CHRDL1: variants seen among roughly 807,000 people sequenced by gnomAD.
The protein encoded by CHRDL1 is chordin like 1.
CHRDL1 carries 19 observed loss-of-function variants against 40.9 expected under a neutral mutation model. The ratio of observed to expected loss-of-function variants is 0.46; its 90% CI spans 0.32 to 0.68. CHRDL1 has a LOEUF of 0.68. Ranked by LOEUF, CHRDL1 falls within the 30% of genes least tolerant of loss-of-function variation. The probability of loss-of-function intolerance (pLI) is 0.03; values close to 1 mark genes in which losing one functional copy is unlikely to be tolerated. For synonymous variants in CHRDL1, 136 were observed against 123.4 expected (o/e 1.10, Z -0.68); for missense variants, 329 against 352.1 (o/e 0.93, Z 0.53).
intron 2 of CHRDL1, among the ~76,000 whole-genome samples, chrX:110,773,451 G>A (rs1006245618): frequency 2.7e-5 from 3 of 111,351 alleles, no homozygotes; most frequent in South Asian, 3.8e-4. Flanking sequence ...TTGTAGGGCC[G>A]GGCACGGTGG....
At position 110,725,447 on chromosome X, in the gene CHRDL1, C is replaced by T. The variant is rs189002115; in HGVS notation, c.302-3917G>A. ...ACTAACACCTCAGTCTGAATAACTGCCACAGGCCTTTTTTTTTTTGTCCTT... is the reference window on the plus strand; with the variant it reads ...ACTAACACCTCAGTCTGAATAACTGTCACAGGCCTTTTTTTTTTTGTCCTT... On this transcript the variant is annotated intron_variant, in intron 4 of 11. Transcript: ENST00000372042. 1.5e-4 allele frequency among the ~76,000 whole-genome samples: 17 copies of T among 110,405 alleles called. No homozygotes were observed. The East Asian group carries it at 4.5e-3, about 29-fold the overall frequency.
At chrX:110,740,921 T>C (rs1196197571) in intron 4 of CHRDL1, among the ~76,000 whole-genome samples, 1 of 112,559 alleles carries the variant, frequency 8.9e-6, no homozygotes, top group African/African-American at 3.2e-5. Flanking sequence ...TGCCTATGAC[T>C]GCTTTCACAT....
rs1160350564 is a variant in CHRDL1, at chrX:110,676,197, C to A, written c.*34G>T. 8.5e-7 allele frequency: 1 copy of A among 1,181,630 alleles called. No homozygotes were observed. The highest frequency in any genetic ancestry group is 1.1e-6 in the Non-Finnish European group (1 of 879,882). Reference sequence around the variant, plus strand: ...GCAGTCCAGCTGCAGCTTGAGTTTTCTTGCTTTACCCTATCCAATACTGTC... The same window carrying A: ...GCAGTCCAGCTGCAGCTTGAGTTTTATTGCTTTACCCTATCCAATACTGTC... On this transcript the variant is annotated 3_prime_UTR_variant, in exon 12 of 12. Transcript: ENST00000372042.
At chrX:110,768,909 C>G (rs777929393) in intron 2 of CHRDL1, among the ~76,000 whole-genome samples, 1 of 111,279 alleles carries the variant, frequency 9.0e-6, no homozygotes, top group South Asian at 3.8e-4. Flanking sequence ...CCTATTAGTT[C>G]TGTCCCTCTA....
intron 8 of CHRDL1, among the ~76,000 whole-genome samples, chrX:110,692,807 T>G (rs975382487): frequency 2.7e-5 from 3 of 112,422 alleles, no homozygotes; most frequent in South Asian, 7.3e-4. Flanking sequence ...AGCAATTTAA[T>G]TTTTTTATCT....
chrX:110,751,733 A>G (rs1376099493), intron 4 of CHRDL1, among the ~76,000 whole-genome samples: 1 of 111,724 alleles, frequency 9.0e-6, no homozygotes, highest in Non-Finnish European at 1.9e-5. Context: ...AAAAGCTACA[A>G]ATAAAACTAC....
intron 6 of CHRDL1, among the ~76,000 whole-genome samples, chrX:110,718,141 T>C (rs1272134171): frequency 9.0e-6 from 1 of 111,669 alleles, no homozygotes; most frequent in East Asian, 2.8e-4. Flanking sequence ...GGTAGAAAGG[T>C]TGAATAAGGT....
rs2070161405 is a variant in CHRDL1, at chrX:110,689,667, C to CTA, written c.779-866_779-865dup. On this transcript the variant is annotated intron_variant, in intron 8 of 11. Transcript: ENST00000372042. ...ATATATCTATATATCATCTATATAT[C>CTA]TATATATCTATATATCTATATATCT... Among the ~76,000 whole-genome samples, 6 of 29,829 alleles carry CTA rather than the reference C, an allele frequency of 2.0e-4. 1 individual carries two copies. Among genetic ancestry groups the CTA allele is most frequent in the South Asian group, 1.3e-3 (1 of 770 alleles). 25.9% of individuals were successfully genotyped at this position (29,829 alleles called of 115,157 possible). A position where few individuals can be genotyped will look rare whatever the true frequency, so the allele number is the denominator to read the frequency against.
rs1241574150 is a variant in CHRDL1, at chrX:110,689,737, C to CTA, written c.779-936_779-935dup. ...TATATATCTATATATATCTATATAT[C>CTA]TATATATATCTATATATCTATATAT... On this transcript the variant is annotated intron_variant, in intron 8 of 11. Transcript: ENST00000372042. Among the ~76,000 whole-genome samples the CTA allele has an allele frequency of 4.8e-4, 17 of 35,675 alleles. 2 individuals are homozygous for CTA. The highest frequency in any genetic ancestry group is 2.6e-4 in the Non-Finnish European group (6 of 23,529). The allele number at this position is 35,675 out of a possible 115,157, so 31.0% of individuals were successfully genotyped here.
Position 110,694,153 on chromosome X carries a change from T to G in CHRDL1, c.778+10A>C. The G allele has an allele frequency of 8.4e-7, 1 of 1,189,539 alleles. No homozygotes were observed. Among genetic ancestry groups the G allele is most frequent in the Non-Finnish European group, 1.1e-6 (1 of 876,925 alleles). ...GTTGTGGAAGTATACAAAAGAAGGA[T>G]GCCCCTTACCTTGTCCATGCTTGTG... On this transcript the variant is annotated intron_variant, in intron 8 of 11. Coordinates refer to ENST00000372042, the MANE Select transcript of CHRDL1 (RefSeq NM_001143981.2).
chrX:110,781,895 G>A (rs1377188254), intron 2 of CHRDL1, among the ~76,000 whole-genome samples: 2 of 111,779 alleles, frequency 1.8e-5, no homozygotes, highest in African/African-American at 6.5e-5. Flanking sequence ...CTATTAAATG[G>A]ATCGCTTCAG....
chrX:110,721,412 G>T lies in CHRDL1; in HGVS notation c.420C>A (p.Pro140=). Residue 140 remains proline, a synonymous_variant, in exon 5 of 12, where the codon CCC becomes CCA. Coordinates refer to ENST00000372042, the MANE Select transcript of CHRDL1 (RefSeq NM_001143981.2). ...AACAGCTGCACTGGGTGCATTGATT[G>T]GGTTGCCGATTCTGAAAGAGCCCTT... is the stretch of plus-strand genomic sequence containing the variant. ...VAEGLFQNRQ[P]NQCTQCSCSE... 8.3e-7 allele frequency: 1 copy of T among 1,210,867 alleles called. No homozygotes were observed. The highest frequency in any genetic ancestry group is 1.7e-5 in the African/African-American group (1 of 57,818).
chrX:110,689,923 C>CTATATATCTA lies in CHRDL1; in HGVS notation c.779-1130_779-1121dup, dbSNP rs1569462469. ...TATATATCTATATATCTATATATAT[C>CTATATATCTA]TATATATCTATATATATCTATATAT... On this transcript the variant is annotated intron_variant, in intron 8 of 11. Coordinates refer to ENST00000372042, the MANE Select transcript of CHRDL1 (RefSeq NM_001143981.2). 4.7e-3 allele frequency among the ~76,000 whole-genome samples: 62 copies of CTATATATCTA among 13,247 alleles called. 16 individuals carry two copies. The African/African-American group carries it at 0.076, about 16-fold the overall frequency. The allele number at this position is 13,247 out of a possible 115,157, so 11.5% of individuals were successfully genotyped here.
chrX:110,718,795 G>A (rs1298880880), intron 6 of CHRDL1, among the ~76,000 whole-genome samples: 1 of 111,492 alleles, frequency 9.0e-6, no homozygotes, highest in African/African-American at 3.3e-5. Flanking sequence ...GTATTTCCAC[G>A]TTTGCTTATT....
At chrX:110,725,362 G>A (rs2071036313) in intron 4 of CHRDL1, among the ~76,000 whole-genome samples, 1 of 111,920 alleles carries the variant, frequency 8.9e-6, no homozygotes, top group Admixed American at 9.4e-5. Context: ...GCTACCTTTT[G>A]CAATCAGATT....
intron 2 of CHRDL1, among the ~76,000 whole-genome samples, chrX:110,778,360 C>T (rs996604495): frequency 6.3e-5 from 7 of 111,801 alleles, no homozygotes; most frequent in African/African-American, 9.7e-5. Context: ...ATGCATCTGA[C>T]GAAGGTCTAA....
chrX:110,753,011 A>C (rs977608032), intron 4 of CHRDL1, among the ~76,000 whole-genome samples: 59 of 111,594 alleles, frequency 5.3e-4, no homozygotes, highest in African/African-American at 1.8e-3. Context: ...TTCCTCAATA[A>C]ATTAAAAATA....
At chrX:110,678,694 T>C (rs2069831112) in intron 11 of CHRDL1, among the ~76,000 whole-genome samples, 1 of 111,628 alleles carries the variant, frequency 9.0e-6, no homozygotes, top group East Asian at 2.8e-4. Context: ...ATTTTCATGT[T>C]CTGTCTCATC....
intron 4 of CHRDL1, among the ~76,000 whole-genome samples, chrX:110,738,121 A>G (rs1452883582): frequency 8.9e-6 from 1 of 112,426 alleles, no homozygotes; most frequent in South Asian, 3.7e-4. Flanking sequence ...ATAGCTAGGG[A>G]GAAAAGGAAC....
Sources: allele counts gnomAD v4.1 joint callset (sites outside exome capture counted in the v4.1 genomes callset), GRCh38; gene constraint gnomAD v4.1.1; transcripts MANE v1.5; gene names NCBI Gene and HGNC (gene_info 2026-07-23, HGNC 2026-07-21).